YWHAE: variants seen among roughly 807,000 people sequenced by gnomAD.
YWHAE encodes 14-3-3 protein epsilon.
A neutral mutation model predicts 30.1 loss-of-function variants in YWHAE; 4 were observed. The ratio of observed to expected loss-of-function variants is 0.13; its 90% CI spans 0.07 to 0.30. The LOEUF (loss-of-function observed/expected upper bound fraction) is 0.30, where lower values mean the gene tolerates loss of function less well. Ranked by LOEUF, YWHAE falls within the 10% of genes least tolerant of loss-of-function variation. The probability of loss-of-function intolerance (pLI) is 1.00; values close to 1 mark genes in which losing one functional copy is unlikely to be tolerated. For synonymous variants in YWHAE, 118 were observed against 111.8 expected, an observed-to-expected ratio of 1.06 and a Z score of -0.35; for missense variants, 121 against 315.9, an observed-to-expected ratio of 0.38 and a Z score of 4.68.
intron 5 of YWHAE, among the ~76,000 whole-genome samples, chr17:1,352,729 G>C (rs1373235751): frequency 2.0e-5 from 3 of 152,100 alleles, no homozygotes; most frequent in Admixed American, 2.0e-4. Flanking sequence ...GTTTCCCCGT[G>C]TTAGCCAGGA....
At position 1,399,824 on chromosome 17, in the gene YWHAE, C is replaced by A. The variant is rs2073539038; in HGVS notation, c.64+223G>T. ...CCTCCACCCCGTCGCCCCGGCCTCC[C>A]GGCCCGCGAGTTGTTTGCAGTTAAG... On this transcript the variant is annotated intron_variant, in intron 1 of 5. Coordinates refer to ENST00000264335, the MANE Select transcript of YWHAE (RefSeq NM_006761.5). The A allele has an allele frequency of 1.5e-5, 9 of 601,630 alleles. No homozygotes were observed. In the South Asian group the frequency reaches 1.8e-4, roughly 12 times the overall value. The allele number at this position is 601,630 out of a possible 1,614,324, so 37.3% of individuals were successfully genotyped here.
rs2072480966 is a variant in YWHAE at position 1,344,295 on chromosome 17, AATG to A, written c.*1149_*1151del. On this transcript the variant is annotated 3_prime_UTR_variant, in exon 6 of 6. Transcript: ENST00000264335. Reference sequence around the variant, plus strand: ...CCTTGTACTACTCATGTTGTACTTTAATGATTAAAATAAATACCATGTTGCTGC... The same window carrying A: ...CCTTGTACTACTCATGTTGTACTTTAATTAAAATAAATACCATGTTGCTGC... The A allele has an allele frequency of 6.4e-6, 1 of 157,120 alleles. No individual in the cohort carries two copies. Among genetic ancestry groups the A allele is most frequent in the African/African-American group, 2.4e-5 (1 of 41,596 alleles). 9.7% of individuals were successfully genotyped at this position (157,120 alleles called of 1,614,324 possible). A position where few individuals can be genotyped will look rare whatever the true frequency, so the allele number is the denominator to read the frequency against.
At chr17:1,364,809 C>G in intron 2 of YWHAE, 50 bp downstream of exon 2, 1 of 1,607,604 alleles carries the variant, frequency 6.2e-7, no homozygotes, top group Admixed American at 1.7e-5. Flanking sequence ...TACCGTCCTA[C>G]AGGTAACTCA....
intron 1 of YWHAE, among the ~76,000 whole-genome samples, chr17:1,383,818 T>C (rs1458599603): frequency 1.3e-5 from 2 of 152,130 alleles, no homozygotes; most frequent in Non-Finnish European, 2.9e-5. Flanking sequence ...CTCCGCACTT[T>C]GGGAGGCTGA....
chr17:1,365,520 C>T (rs992457105), intron 1 of YWHAE, among the ~76,000 whole-genome samples: 2 of 152,120 alleles, frequency 1.3e-5, no homozygotes, highest in African/African-American at 4.8e-5. Flanking sequence ...ATATGGTTGG[C>T]CACCAACAGA....
At chr17:1,370,181 CCT>C (rs2073011255) in intron 1 of YWHAE, among the ~76,000 whole-genome samples, 1 of 132,776 alleles carries the variant, frequency 7.5e-6, no homozygotes, top group African/African-American at 2.9e-5. Flanking sequence ...GGCTGGAGTG[CCT>C]GGGCGTGATC....
chr17:1,379,926 A>C (rs1488882472), intron 1 of YWHAE, among the ~76,000 whole-genome samples: 1 of 152,216 alleles, frequency 6.6e-6, no homozygotes, highest in Non-Finnish European at 1.5e-5. Context: ...GGAAGTACTC[A>C]GAAGCTTTTC....
intron 1 of YWHAE, among the ~76,000 whole-genome samples, chr17:1,393,135 AAAAT>A (rs147882027): frequency 0.032 from 4,665 of 144,300 alleles, 104 homozygotes; most frequent in African/African-American, 0.053. Flanking sequence ...ATCTCTCCAA[AAAAT>A]AAATAAATAA....
chr17:1,364,558 A>G (rs563653959), intron 2 of YWHAE, among the ~76,000 whole-genome samples: 11 of 152,130 alleles, frequency 7.2e-5, no homozygotes, highest in Non-Finnish European at 1.6e-4. Context: ...AACAGTCATC[A>G]TTTTGCTTGA....
In YWHAE at chr17:1,393,340, A is replaced by C. The variant is rs372199827; in HGVS notation, c.64+6707T>G. ...TGTCTCAAAAAAAAAAAAAGGAAAA[A>C]GATAAAAGTGAGAGGAGAAAATATT... is the stretch of plus-strand genomic sequence containing the variant. On this transcript the variant is annotated intron_variant, in intron 1 of 5. Transcript: ENST00000264335. Among the ~76,000 whole-genome samples the C allele has an allele frequency of 2.2e-3, 327 of 151,808 alleles. 1 individual carries two copies. The highest frequency in any genetic ancestry group is 7.4e-3 in the African/African-American group (308 of 41,460).
At chr17:1,381,910 CAAAAAA>C (rs397754278) in intron 1 of YWHAE, among the ~76,000 whole-genome samples, 19 of 43,922 alleles carry the variant, frequency 4.3e-4, no homozygotes, top group Admixed American at 1.1e-3. Context: ...GACACTATGT[CAAAAAA>C]AAAAAAAAAA....
rs544115909 is a variant in YWHAE, at chr17:1,394,436, C to CAAAAAAAAAAAAAAAAAAAAAAAA, written c.64+5587_64+5610dup. On this transcript the variant is annotated intron_variant, in intron 1 of 5. Coordinates refer to ENST00000264335, the MANE Select transcript of YWHAE (RefSeq NM_006761.5). ...GGGCAACATAGAGACCTCAAATCCA[C>CAAAAAAAAAAAAAAAAAAAAAAAA]AAAAAAAAAAAAAAAAAAAAAAAAA... 2.6e-4 allele frequency among the ~76,000 whole-genome samples: 15 copies of CAAAAAAAAAAAAAAAAAAAAAAAA among 58,546 alleles called. 1 individual carries two copies. Among genetic ancestry groups the CAAAAAAAAAAAAAAAAAAAAAAAA allele is most frequent in the African/African-American group, 8.8e-4 (10 of 11,338 alleles). The allele number at this position is 58,546 out of a possible 152,430, so 38.4% of individuals were successfully genotyped here.
intron 1 of YWHAE, among the ~76,000 whole-genome samples, chr17:1,392,482 G>A (rs2073403061): frequency 6.6e-6 from 1 of 152,064 alleles, no homozygotes; most frequent in South Asian, 2.1e-4. Flanking sequence ...GATTCCATTA[G>A]ACAGCTATCT....
chr17:1,353,947 G>A (rs1478164855), intron 5 of YWHAE, among the ~76,000 whole-genome samples: 1 of 152,100 alleles, frequency 6.6e-6, no homozygotes, highest in Non-Finnish European at 1.5e-5. Flanking sequence ...TGAATTGAAT[G>A]AAGATAAAAT....
At chr17:1,348,190 G>T (rs1167030562) in intron 5 of YWHAE, among the ~76,000 whole-genome samples, 1 of 152,188 alleles carries the variant, frequency 6.6e-6, no homozygotes, top group African/African-American at 2.4e-5. Flanking sequence ...CTCTGAGAAG[G>T]AAGTAATATC....
At chr17:1,398,171 T>A (rs981281306) in intron 1 of YWHAE, among the ~76,000 whole-genome samples, 1 of 152,156 alleles carries the variant, frequency 6.6e-6, no homozygotes. Context: ...AGCATTCAAG[T>A]ACAATTTGTT....
chr17:1,375,482 C>T (rs181468435), intron 1 of YWHAE, among the ~76,000 whole-genome samples: 3 of 152,172 alleles, frequency 2.0e-5, no homozygotes, highest in Admixed American at 2.0e-4. Flanking sequence ...CAGGTGGGAT[C>T]GCAATTTAAG....
At chr17:1,359,907 G>C (rs1208672352) in intron 4 of YWHAE, among the ~76,000 whole-genome samples, 2 of 114,936 alleles carry the variant, frequency 1.7e-5, no homozygotes, top group Non-Finnish European at 1.8e-5. Context: ...CGGGGAGAGA[G>C]AGGGAGACGG....
chr17:1,389,929 C>T (rs1346968193), intron 1 of YWHAE, among the ~76,000 whole-genome samples: 1 of 149,024 alleles, frequency 6.7e-6, no homozygotes, highest in African/African-American at 2.6e-5. Flanking sequence ...CTGCAACCTC[C>T]GCCTCCCAGG....
Sources: allele counts gnomAD v4.1 joint callset (sites outside exome capture counted in the v4.1 genomes callset), GRCh38; gene constraint gnomAD v4.1.1; transcripts MANE v1.5; gene names NCBI Gene and HGNC (gene_info 2026-07-23, HGNC 2026-07-21).